The following DACH2 variants were observed in gnomAD, a reference collection of about 807,000 sequenced individuals.
DACH2 encodes the protein dachshund homolog 2.
DACH2 carries 17 observed loss-of-function variants against 35.8 expected under a neutral mutation model. The ratio of observed to expected loss-of-function variants is 0.48; its 90% CI spans 0.33 to 0.71. The LOEUF (loss-of-function observed/expected upper bound fraction) is 0.71. DACH2 is among the 30% of genes least tolerant of loss of function. DACH2 has a pLI of 0.02. For synonymous variants in DACH2, 195 were observed against 177.3 expected (o/e 1.10, Z -0.79); for missense variants, 469 against 472.7 (o/e 0.99, Z 0.07).
intron 2 of DACH2, among the ~76,000 whole-genome samples, chrX:86,422,163 G>T (rs757581290): frequency 2.7e-5 from 3 of 110,746 alleles, no homozygotes; most frequent in Non-Finnish European, 3.8e-5. Flanking sequence ...TTAAGTTAGC[G>T]CAGAACAGAA....
intron 1 of DACH2, among the ~76,000 whole-genome samples, chrX:86,195,218 C>T (rs1433483538): frequency 5.4e-5 from 6 of 111,610 alleles, no homozygotes; most frequent in Non-Finnish European, 1.1e-4. Context: ...GGAGTGGAGT[C>T]CACCTCCATT....
At chrX:86,297,291 A>G (rs1379666477) in intron 1 of DACH2, among the ~76,000 whole-genome samples, 7 of 109,931 alleles carry the variant, frequency 6.4e-5, no homozygotes, top group Non-Finnish European at 1.9e-5. Context: ...TCTAGCTCTC[A>G]CTCTAATCTG....
intron 2 of DACH2, among the ~76,000 whole-genome samples, chrX:86,468,227 C>CA (rs767125685): frequency 9.0e-6 from 1 of 111,121 alleles, no homozygotes; most frequent in African/African-American, 3.3e-5. Flanking sequence ...CAGAATATGG[C>CA]AAAAAGAAAA....
chrX:86,742,330 TA>T (rs913979875), intron 7 of DACH2, among the ~76,000 whole-genome samples: 8 of 111,277 alleles, frequency 7.2e-5, no homozygotes, highest in African/African-American at 2.6e-4. Flanking sequence ...ATATGTTTTA[TA>T]AAGTATCATA....
intron 2 of DACH2, among the ~76,000 whole-genome samples, chrX:86,498,775 T>C (rs2038208736): frequency 8.9e-6 from 1 of 112,382 alleles, no homozygotes; most frequent in Non-Finnish European, 1.9e-5. Context: ...TCATATGCCA[T>C]ATTTTCCCTT....
chrX:86,550,945 G>A (rs1182917707), intron 3 of DACH2, among the ~76,000 whole-genome samples: 1 of 111,579 alleles, frequency 9.0e-6, no homozygotes, highest in Non-Finnish European at 1.9e-5. Flanking sequence ...GGGGGAATAT[G>A]GCTTCAGTGT....
At chrX:86,528,397 G>A (rs2038664548) in intron 3 of DACH2, among the ~76,000 whole-genome samples, 3 of 111,277 alleles carry the variant, frequency 2.7e-5, no homozygotes, top group Non-Finnish European at 5.7e-5. Flanking sequence ...CCTTGTATTT[G>A]TGGCAAGGGC....
intron 3 of DACH2, among the ~76,000 whole-genome samples, chrX:86,573,629 A>G (rs1160632613): frequency 1.8e-5 from 2 of 111,746 alleles, no homozygotes; most frequent in African/African-American, 6.5e-5. Flanking sequence ...GTGATTATAA[A>G]TACCTGGACT....
chrX:86,771,024 T>C (rs1004697975), intron 7 of DACH2, among the ~76,000 whole-genome samples: 4 of 113,278 alleles, frequency 3.5e-5, no homozygotes, highest in African/African-American at 1.3e-4. Flanking sequence ...GGCATAGTTT[T>C]GAAATTGTAA....
chrX:86,473,802 C>A (rs1602559623), intron 2 of DACH2, among the ~76,000 whole-genome samples: 1 of 111,499 alleles, frequency 9.0e-6, no homozygotes, highest in African/African-American at 3.3e-5. Context: ...CAAATCTTAG[C>A]TTTGTGAACA....
At chrX:86,399,841 A>G (rs1203840634) in intron 2 of DACH2, among the ~76,000 whole-genome samples, 1 of 111,307 alleles carries the variant, frequency 9.0e-6, no homozygotes, top group Non-Finnish European at 1.9e-5. Flanking sequence ...ACTTTGGTGA[A>G]TCTGACAATT....
At chrX:86,298,988 T>A (rs1398594304) in intron 1 of DACH2, among the ~76,000 whole-genome samples, 3 of 112,208 alleles carry the variant, frequency 2.7e-5, no homozygotes, top group African/African-American at 9.7e-5. Context: ...TAAGAGGAAA[T>A]GTAATCAAAG....
At chrX:86,305,360 CT>C (rs1206192731) in intron 1 of DACH2, among the ~76,000 whole-genome samples, 3 of 111,677 alleles carry the variant, frequency 2.7e-5, no homozygotes, top group Non-Finnish European at 3.8e-5. Context: ...ATATATTACA[CT>C]GTTTTTTGAT....
At chrX:86,707,823 G>A (rs1193697906) in intron 5 of DACH2, among the ~76,000 whole-genome samples, 5 of 103,986 alleles carry the variant, frequency 4.8e-5, no homozygotes, top group African/African-American at 7.1e-5. Context: ...GCTGAAGCAG[G>A]AGAATCGCTT....
At chrX:86,584,169 T>C (rs182853054) in intron 3 of DACH2, among the ~76,000 whole-genome samples, 2 of 111,586 alleles carry the variant, frequency 1.8e-5, no homozygotes, top group African/African-American at 6.5e-5. Flanking sequence ...ATTTTAGAAA[T>C]AGGCTGTCTC....
At chrX:86,421,307 T>G (rs2036798752) in intron 2 of DACH2, among the ~76,000 whole-genome samples, 1 of 111,716 alleles carries the variant, frequency 9.0e-6, no homozygotes, top group Non-Finnish European at 1.9e-5. Context: ...GTGGTTTAAC[T>G]CATGTTATCT....
chrX:86,458,687 T>A (rs1235420221), intron 2 of DACH2, among the ~76,000 whole-genome samples: 1 of 111,939 alleles, frequency 8.9e-6, no homozygotes, highest in East Asian at 2.8e-4. Flanking sequence ...AAATAATTTA[T>A]AATGAAAAGT....
At chrX:86,697,247 A>G (rs2041077886) in intron 5 of DACH2, among the ~76,000 whole-genome samples, 1 of 111,661 alleles carries the variant, frequency 9.0e-6, no homozygotes, top group South Asian at 3.7e-4. Flanking sequence ...GGGGGATTAC[A>G]GCTTAAAGAG....
chrX:86,535,722 G>A (rs2038788683), intron 3 of DACH2, among the ~76,000 whole-genome samples: 1 of 110,580 alleles, frequency 9.0e-6, no homozygotes, highest in Admixed American at 9.8e-5. Context: ...AAAAAAAACG[G>A]TAGGCTTTAT....
Sources: allele counts gnomAD v4.1 joint callset (sites outside exome capture counted in the v4.1 genomes callset), GRCh38; gene constraint gnomAD v4.1.1; transcripts MANE v1.5; gene names NCBI Gene and HGNC (gene_info 2026-07-23, HGNC 2026-07-21).